Variants in CTNND2 observed in about 807,000 individuals in gnomAD.
The protein encoded by CTNND2 is catenin delta-2.
Under a neutral mutation model 144.4 loss-of-function variants are expected in CTNND2, and 22 were observed. The observed-to-expected ratio is 0.15, with a 90% confidence interval of 0.11 to 0.22. The LOEUF (loss-of-function observed/expected upper bound fraction) is 0.22, where lower values mean the gene tolerates loss of function less well. Among genes scored for constraint, CTNND2 ranks in the 10% least tolerant of loss-of-function variants. CTNND2 has a pLI of 1.00. For synonymous variants in CTNND2, 751 were observed against 695.6 expected (o/e 1.08, Z -1.25); for missense variants, 1,353 against 1,618.8 (o/e 0.84, Z 2.82).
At chr5:11,665,489 T>G (rs1456115274) in intron 2 of CTNND2, among the ~76,000 whole-genome samples, 34 of 152,186 alleles carry the variant, frequency 2.2e-4, no homozygotes, top group Non-Finnish European at 1.5e-5. Flanking sequence ...TTATCATCTT[T>G]AGGGATTTCA....
At chr5:11,508,610 A>G (rs1343807228) in intron 3 of CTNND2, among the ~76,000 whole-genome samples, 1 of 152,188 alleles carries the variant, frequency 6.6e-6, no homozygotes. Context: ...AAATAAATGT[A>G]ACATAGAAAA....
At chr5:11,677,222 T>C (rs533030189) in intron 2 of CTNND2, among the ~76,000 whole-genome samples, 47 of 152,330 alleles carry the variant, frequency 3.1e-4, no homozygotes, top group Non-Finnish European at 5.4e-4. Flanking sequence ...AATCACAAGT[T>C]GCCAACTGAT....
In CTNND2 at chr5:10,988,474, G is replaced by A. The variant is rs536573655; in HGVS notation, c.3212-232C>T. On this transcript the variant is annotated intron_variant, in intron 19 of 21. Coordinates refer to ENST00000304623, the MANE Select transcript of CTNND2 (RefSeq NM_001332.4). The surrounding 1 kb of genome is among the most constrained non-coding windows in gnomAD (Gnocchi z 5.9). The stretch of plus-strand genomic sequence containing the variant: ...TAGTTAGAGGGCATGTGATTTGGAG[G>A]CTGGCAACTGGGGACCACATCCTGG... 2.0e-4 allele frequency among the ~76,000 whole-genome samples: 31 copies of A among 152,252 alleles called. No individual in the cohort carries two copies. The highest frequency in any genetic ancestry group is 9.2e-4 in the Admixed American group (14 of 15,298).
chr5:11,258,631 T>C (rs1291891703), intron 9 of CTNND2, among the ~76,000 whole-genome samples: 3 of 152,206 alleles, frequency 2.0e-5, no homozygotes, highest in Non-Finnish European at 2.9e-5. Context: ...ATGTGTGCGT[T>C]TTTTTCAATG....
chr5:11,278,954 T>C (rs577160184), intron 9 of CTNND2, among the ~76,000 whole-genome samples: 23 of 152,268 alleles, frequency 1.5e-4, no homozygotes, highest in Non-Finnish European at 2.6e-4. Flanking sequence ...CTTCTTTACC[T>C]TCACTAACTC....
intron 2 of CTNND2, among the ~76,000 whole-genome samples, chr5:11,577,574 G>T (rs532172283): frequency 2.1e-4 from 32 of 152,292 alleles, no homozygotes; most frequent in African/African-American, 7.5e-4. Context: ...AAGAACAGCA[G>T]GGATTTAAGC....
intron 1 of CTNND2, among the ~76,000 whole-genome samples, chr5:11,759,398 A>C (rs1178783392): frequency 6.6e-6 from 1 of 152,112 alleles, no homozygotes; most frequent in Admixed American, 6.6e-5. Context: ...ATGTCCAAGG[A>C]TCTTAAGGAA....
At chr5:11,752,705 T>C (rs1057415070) in intron 1 of CTNND2, among the ~76,000 whole-genome samples, 1 of 151,874 alleles carries the variant, frequency 6.6e-6, no homozygotes, top group African/African-American at 2.4e-5. Context: ...ATACAATAGG[T>C]ATTTCTATTT....
intron 12 of CTNND2, among the ~76,000 whole-genome samples, chr5:11,127,315 A>G (rs986633809): frequency 1.3e-5 from 2 of 152,208 alleles, no homozygotes; most frequent in Non-Finnish European, 2.9e-5. Flanking sequence ...ATCCTGGGCC[A>G]TCCCTCACCA....
chr5:11,407,971 G>A (rs1417311425), intron 5 of CTNND2, among the ~76,000 whole-genome samples: 2 of 152,132 alleles, frequency 1.3e-5, no homozygotes, highest in Non-Finnish European at 2.9e-5. Flanking sequence ...TTTGGCTTCT[G>A]GTTGGGTTTG....
chr5:11,873,638 T>G (rs1582043081), intron 1 of CTNND2, among the ~76,000 whole-genome samples: 1 of 152,216 alleles, frequency 6.6e-6, no homozygotes. Flanking sequence ...ATTATAAAGA[T>G]AGCATCCACT....
chr5:11,893,387 C>T (rs2127102248), intron 1 of CTNND2, among the ~76,000 whole-genome samples: 1 of 152,300 alleles, frequency 6.6e-6, no homozygotes, highest in African/African-American at 2.4e-5. Context: ...GAGGTATATA[C>T]ATCCAGAGCT....
chr5:11,583,271 G>A (rs1389524055), intron 2 of CTNND2, among the ~76,000 whole-genome samples: 2 of 152,180 alleles, frequency 1.3e-5, no homozygotes, highest in Non-Finnish European at 2.9e-5. Context: ...GGCTCAAAAA[G>A]TTTCTTGTAA....
intron 9 of CTNND2, among the ~76,000 whole-genome samples, chr5:11,322,583 T>C (rs903603573): frequency 1.3e-4 from 20 of 152,330 alleles, no homozygotes; most frequent in Admixed American, 4.6e-4. Context: ...TTTATGAAAT[T>C]GTTCTATAAT....
chr5:11,046,845 A>C (rs909659055), intron 16 of CTNND2, among the ~76,000 whole-genome samples: 5 of 152,226 alleles, frequency 3.3e-5, no homozygotes, highest in African/African-American at 1.2e-4. Context: ...AAAACAAAAC[A>C]AAACAAACAA....
At chr5:11,872,343 CAT>C (rs1395605316) in intron 1 of CTNND2, among the ~76,000 whole-genome samples, 3 of 152,108 alleles carry the variant, frequency 2.0e-5, no homozygotes, top group African/African-American at 4.8e-5. Flanking sequence ...GCAATAAACA[CAT>C]GTGTGCATGT....
chr5:11,418,605 A>G (rs891787364), intron 3 of CTNND2, among the ~76,000 whole-genome samples: 4 of 152,194 alleles, frequency 2.6e-5, no homozygotes, highest in African/African-American at 9.7e-5. Context: ...TTACAAATGG[A>G]TAACTGGTTT....
intron 19 of CTNND2, 141 bp downstream of exon 19, chr5:10,992,410 A>G: frequency 8.2e-7 from 1 of 1,214,118 alleles, no homozygotes; most frequent in Non-Finnish European, 1.2e-6. Flanking sequence ...CACAGTACAA[A>G]GAACAGATTC....
At chr5:11,731,904 T>G (rs1417527585) in intron 2 of CTNND2, among the ~76,000 whole-genome samples, 1 of 152,166 alleles carries the variant, frequency 6.6e-6, no homozygotes, top group African/African-American at 2.4e-5. Context: ...GAAATTTTGA[T>G]TATAAAGTTG....
Sources: allele counts gnomAD v4.1 joint callset (sites outside exome capture counted in the v4.1 genomes callset), GRCh38; gene constraint gnomAD v4.1.1; non-coding constraint Gnocchi (gnomAD v3.1); transcripts MANE v1.5; gene names NCBI Gene and HGNC (gene_info 2026-07-23, HGNC 2026-07-21).